The following ESRRG variants were observed in gnomAD, a reference collection of about 807,000 sequenced individuals.
ESRRG encodes estrogen related receptor gamma, also known as estrogen-related receptor gamma.
Under a neutral mutation model 44.0 loss-of-function variants are expected in ESRRG, and 13 were observed. The observed-to-expected ratio is 0.30, with a 90% confidence interval of 0.19 to 0.47. The LOEUF is 0.47. ESRRG is among the 20% of genes least tolerant of loss of function. ESRRG has a pLI of 1.00. For missense variants in ESRRG, 395 were observed against 580.6 expected (o/e 0.68, Z 3.29); for synonymous variants, 215 against 214.6 (o/e 1.00, Z -0.02).
Position 216,503,661 on chromosome 1 carries a change from A to T in ESRRG, c.*3278T>A, listed in dbSNP as rs1433790153. The T allele has an allele frequency of 6.6e-6, 1 of 152,568 alleles. No individual in the cohort carries two copies. Among genetic ancestry groups the T allele is most frequent in the African/African-American group, 2.4e-5 (1 of 41,444 alleles). 9.5% of individuals were successfully genotyped at this position (152,568 alleles called of 1,614,324 possible). ...AGAGACGCTTAAATAATTAAAATACAATCACCAACACCCATTTTCTCTTCT... is the reference window on the plus strand; with the variant it reads ...AGAGACGCTTAAATAATTAAAATACTATCACCAACACCCATTTTCTCTTCT... On this transcript the variant is annotated 3_prime_UTR_variant, in exon 7 of 7. Transcript: ENST00000408911.
intron 2 of ESRRG, among the ~76,000 whole-genome samples, chr1:216,913,660 T>C (rs1302390530): frequency 6.6e-6 from 1 of 152,256 alleles, no homozygotes; most frequent in African/African-American, 2.4e-5. Context: ...TGCATCTGTT[T>C]CCTAGTTCTA....
At chr1:216,510,266 T>C (rs887082171) in intron 6 of ESRRG, among the ~76,000 whole-genome samples, 6 of 152,202 alleles carry the variant, frequency 3.9e-5, no homozygotes, top group Admixed American at 1.3e-4. Context: ...TACTACTGAA[T>C]TAGACAATAA....
At chr1:216,976,429 AAATGTTTAAGCTATTAGGTG>A (rs2072920708) in intron 1 of ESRRG, among the ~76,000 whole-genome samples, 1 of 152,094 alleles carries the variant, frequency 6.6e-6, no homozygotes, top group South Asian at 2.1e-4. Context: ...ATGAGGTTGC[AAATGTTTAAGCTATTAGGTG>A]AATCTCTAAA....
rs768560202 is a variant in ESRRG at position 217,075,592 on chromosome 1, C to CCCG, written c.-106+13914_-106+13915insCGG. 6.0e-4 allele frequency among the ~76,000 whole-genome samples: 88 copies of CCCG among 147,624 alleles called. 4 individuals are homozygous for CCCG. Among genetic ancestry groups the CCCG allele is most frequent in the Admixed American group, 8.8e-4 (13 of 14,732 alleles). The stretch of plus-strand genomic sequence containing the variant: ...CACTCGCTTCAAATTGCTCCTTTCC[C>CCCG]CCCCCCAACATTAATTACTAGAGTC... On this transcript the variant is annotated intron_variant, in intron 1 of 7. Coordinates refer to the ESRRG transcript ENST00000359162.
At chr1:216,957,273 C>G (rs2068126854) in intron 1 of ESRRG, among the ~76,000 whole-genome samples, 1 of 152,152 alleles carries the variant, frequency 6.6e-6, no homozygotes, top group African/African-American at 2.4e-5. Context: ...CACAGCTAGT[C>G]TCTATAGTTT....
rs1299826412 is a variant in ESRRG, at chr1:216,820,975, CT to C, written c.-14+118606del. Among the ~76,000 whole-genome samples the C allele has an allele frequency of 2.6e-5, 4 of 152,216 alleles. No homozygotes were observed. The East Asian group carries it at 7.7e-4, about 29-fold the overall frequency. ...TGTGGACTGATCATATTTTATTGGA[CT>C]TTTTGAAAATATTTCTAGAACAGGA... is the stretch of plus-strand genomic sequence containing the variant. On this transcript the variant is annotated intron_variant, in intron 2 of 7. Transcript: ENST00000359162.
intron 2 of ESRRG, among the ~76,000 whole-genome samples, chr1:216,789,952 G>A (rs2094261665): frequency 6.6e-6 from 1 of 152,112 alleles, no homozygotes; most frequent in Admixed American, 6.5e-5. Flanking sequence ...GGTGGGCAAT[G>A]TGACTAAGCT....
At chr1:217,057,203 G>C (rs1032195573) in intron 1 of ESRRG, among the ~76,000 whole-genome samples, 1 of 152,092 alleles carries the variant, frequency 6.6e-6, no homozygotes, top group African/African-American at 2.4e-5. Flanking sequence ...AAAACAGCCG[G>C]GGAATCTCAG....
rs560482377 is a variant in ESRRG, at chr1:216,510,172, G to C, written c.1133-2989C>G. Among the ~76,000 whole-genome samples the C allele has an allele frequency of 3.9e-5, 6 of 152,280 alleles. No homozygotes were observed. In the South Asian group the frequency reaches 1.0e-3, roughly 26 times the overall value. On this transcript the variant is annotated intron_variant, in intron 6 of 6. Transcript: ENST00000408911. ...ATCTTGGATACTGGGCCCAAGTCTAGATCTATGAAGTAAGAGACCAGAACT... is the reference window on the plus strand; with the variant it reads ...ATCTTGGATACTGGGCCCAAGTCTACATCTATGAAGTAAGAGACCAGAACT...
chr1:216,713,363 GAAA>G (rs67579659), intron 1 of ESRRG, among the ~76,000 whole-genome samples: 3 of 130,178 alleles, frequency 2.3e-5, no homozygotes, highest in Non-Finnish European at 5.0e-5. Flanking sequence ...TTCCTTTCTT[GAAA>G]AAAAAAAAAA....
chr1:216,665,226 T>A (rs901485980), intron 2 of ESRRG, among the ~76,000 whole-genome samples: 4 of 152,112 alleles, frequency 2.6e-5, no homozygotes, highest in African/African-American at 7.2e-5. Flanking sequence ...TAAATTAAAC[T>A]TTATCAAGAT....
intron 3 of ESRRG, among the ~76,000 whole-genome samples, chr1:216,634,681 AG>A (rs1000535488): frequency 6.6e-6 from 1 of 152,124 alleles, no homozygotes; most frequent in Non-Finnish European, 1.5e-5. Context: ...CAGACTGCCC[AG>A]GGGGGACAGT....
chr1:216,899,397 A>G (rs1202116779), intron 2 of ESRRG, among the ~76,000 whole-genome samples: 1 of 152,240 alleles, frequency 6.6e-6, no homozygotes, highest in East Asian at 1.9e-4. Flanking sequence ...TCTACTCTTC[A>G]TCCACTAATT....
intron 3 of ESRRG, among the ~76,000 whole-genome samples, chr1:216,628,440 T>C (rs540301142): frequency 8.5e-5 from 13 of 152,312 alleles, no homozygotes; most frequent in African/African-American, 3.1e-4. Context: ...TCCTAAAGAC[T>C]CAAGCTAACA....
In ESRRG at chr1:216,620,643, T is replaced by C. The variant is rs1346060540; in HGVS notation, c.589+30330A>G. On this transcript the variant is annotated intron_variant, in intron 3 of 6. Coordinates refer to ENST00000408911, the MANE Select transcript of ESRRG (RefSeq NM_001438.4). ...CTAATTCATTCACATTGCATTGTGG[T>C]AACAAAATGAATAAGGGGTTTAGTC... 2.6e-5 allele frequency among the ~76,000 whole-genome samples: 4 copies of C among 152,142 alleles called. No homozygotes were observed. In the East Asian group the frequency reaches 7.7e-4, roughly 29 times the overall value.
At chr1:216,700,898 T>C (rs972244304) in intron 1 of ESRRG, among the ~76,000 whole-genome samples, 2 of 152,190 alleles carry the variant, frequency 1.3e-5, no homozygotes, top group Non-Finnish European at 2.9e-5. Flanking sequence ...CTTTGCTAAT[T>C]TCAGAAAGTG....
intron 1 of ESRRG, among the ~76,000 whole-genome samples, chr1:217,031,758 A>G (rs1403061056): frequency 6.6e-6 from 1 of 152,106 alleles, no homozygotes. Context: ...TTCTCAGGAG[A>G]TCTGATGGTT....
chr1:216,550,556 T>C (rs1425756809), intron 5 of ESRRG, among the ~76,000 whole-genome samples: 2 of 152,074 alleles, frequency 1.3e-5, no homozygotes, highest in East Asian at 3.9e-4. Context: ...AACAAAGGGA[T>C]GCTAAGAGCT....
At chr1:216,900,083 A>C (rs558385206) in intron 2 of ESRRG, among the ~76,000 whole-genome samples, 1 of 152,358 alleles carries the variant, frequency 6.6e-6, no homozygotes, top group Admixed American at 6.5e-5. Flanking sequence ...AAAGCTGCTT[A>C]AGAAATCCAA....
Sources: gnomAD v4.1 joint callset for allele counts (sites outside exome capture counted in the v4.1 genomes callset) on GRCh38, gnomAD v4.1.1 for gene constraint, MANE v1.5 for transcripts, NCBI Gene and HGNC (gene_info 2026-07-23, HGNC 2026-07-21) for gene names.